ADAMTS19: variants seen among roughly 807,000 people sequenced by gnomAD.
The protein encoded by ADAMTS19 is A disintegrin and metalloproteinase with thrombospondin motifs 19.
A neutral mutation model predicts 153.3 loss-of-function variants in ADAMTS19; 93 were observed. The ratio of observed to expected loss-of-function variants is 0.61; its 90% CI spans 0.51 to 0.72. The LOEUF (loss-of-function observed/expected upper bound fraction) is 0.72, where lower values mean the gene tolerates loss of function less well. Among genes scored for constraint, ADAMTS19 ranks in the 30% least tolerant of loss-of-function variants. The pLI is 0.00. For missense variants in ADAMTS19, 1,482 were observed against 1,552.1 expected (o/e 0.95, Z 0.76); for synonymous variants, 600 against 556.6 (o/e 1.08, Z -1.10).
At chr5:129,678,104 C>A (rs1437965566) in intron 16 of ADAMTS19, among the ~76,000 whole-genome samples, 3 of 152,138 alleles carry the variant, frequency 2.0e-5, no homozygotes, top group African/African-American at 4.8e-5. Context: ...TGAGCCACCA[C>A]ACCGGCCGTT....
intron 10 of ADAMTS19, among the ~76,000 whole-genome samples, chr5:129,633,936 A>C (rs1752420064): frequency 6.6e-6 from 1 of 152,076 alleles, no homozygotes; most frequent in South Asian, 2.1e-4. Context: ...TCACGAGTCT[A>C]TAAGATGATA....
chr5:129,671,528 C>T (rs1754299543), intron 16 of ADAMTS19, among the ~76,000 whole-genome samples: 1 of 152,108 alleles, frequency 6.6e-6, no homozygotes, highest in Admixed American at 6.6e-5. Flanking sequence ...CTTGAAATAG[C>T]TTTAGCAAAA....
At chr5:129,511,520 G>T (rs1054162499) in intron 3 of ADAMTS19, among the ~76,000 whole-genome samples, 4 of 151,716 alleles carry the variant, frequency 2.6e-5, no homozygotes. Context: ...GGAGATAAAT[G>T]ACACAGTTTC....
chr5:129,737,692 A>G lies in ADAMTS19; in HGVS notation c.*474A>G, dbSNP rs1757730230. On this transcript the variant is annotated 3_prime_UTR_variant, in exon 23 of 23. Coordinates refer to ENST00000274487, the MANE Select transcript of ADAMTS19 (RefSeq NM_133638.6). ...TCACCTGCAGGAGATGTGTAAACAT[A>G]ATGAACCTCATGCTGTTGAACAGGT... is the stretch of plus-strand genomic sequence containing the variant. The G allele has an allele frequency of 6.6e-6, 1 of 152,588 alleles. No homozygotes were observed. The highest frequency in any genetic ancestry group is 6.6e-5 in the Admixed American group (1 of 15,260). The allele number at this position is 152,588 out of a possible 1,614,324, so 9.5% of individuals were successfully genotyped here. A position where few individuals can be genotyped will look rare whatever the true frequency, so the allele number is the denominator to read the frequency against.
intron 10 of ADAMTS19, among the ~76,000 whole-genome samples, chr5:129,626,452 G>A (rs1393703652): frequency 6.6e-6 from 1 of 151,960 alleles, no homozygotes; most frequent in Non-Finnish European, 1.5e-5. Context: ...GTTTATTTAG[G>A]TTTTTTAAAT....
intron 3 of ADAMTS19, among the ~76,000 whole-genome samples, chr5:129,510,887 T>A (rs1751420910): frequency 6.9e-6 from 1 of 145,004 alleles, no homozygotes; most frequent in African/African-American, 2.6e-5. Flanking sequence ...ATAGTAGGCA[T>A]GATTGTTACA....
At chr5:129,489,859 G>C (rs2126687351) in intron 2 of ADAMTS19, among the ~76,000 whole-genome samples, 1 of 152,230 alleles carries the variant, frequency 6.6e-6, no homozygotes, top group East Asian at 1.9e-4. Context: ...AAGATACTTA[G>C]AACAGTATCT....
intron 21 of ADAMTS19, among the ~76,000 whole-genome samples, chr5:129,713,452 G>A (rs1027494927): frequency 6.6e-6 from 1 of 152,110 alleles, no homozygotes; most frequent in Non-Finnish European, 1.5e-5. Context: ...ATCACATGAG[G>A]TCTTTGGATT....
At chr5:129,604,433 G>T (rs1750798838) in intron 8 of ADAMTS19, among the ~76,000 whole-genome samples, 1 of 152,070 alleles carries the variant, frequency 6.6e-6, no homozygotes, top group Non-Finnish European at 1.5e-5. Flanking sequence ...CATTTTAGTG[G>T]CACCACCTCC....
At chr5:129,579,907 T>C (rs1386941558) in intron 7 of ADAMTS19, among the ~76,000 whole-genome samples, 1 of 152,248 alleles carries the variant, frequency 6.6e-6, no homozygotes, top group Non-Finnish European at 1.5e-5. Flanking sequence ...TAGGATTTTC[T>C]TGACTATACG....
intron 2 of ADAMTS19, among the ~76,000 whole-genome samples, chr5:129,478,322 C>A (rs939960282): frequency 2.0e-5 from 3 of 152,064 alleles, no homozygotes; most frequent in Non-Finnish European, 2.9e-5. Context: ...ATCTGGTTTG[C>A]ACATGCTTAT....
chr5:129,684,200 C>G lies in ADAMTS19; in HGVS notation c.2745C>G (p.Ser915Arg). The G allele has an allele frequency of 6.2e-7, 1 of 1,614,208 alleles. No individual in the cohort carries two copies. Among genetic ancestry groups the G allele is most frequent in the South Asian group, 1.1e-5 (1 of 91,084 alleles). Reference protein sequence around the residue: ...IPSDPLPENQSSKAPEPLFMW... With the variant: ...IPSDPLPENQRSKAPEPLFMW... ...CAGACCCTCTTCCAGAAAACCAGAG[C>G]TCTAAAGCACCTGAGCCCCTCTTCA... The change falls in exon 18 of 23, where the codon AGC becomes AGG. Residue 915 changes from serine (S) to arginine (R), a missense_variant. Ser to Arg is a moderately radical substitution (Grantham distance 110). Coordinates refer to ENST00000274487, the MANE Select transcript of ADAMTS19 (RefSeq NM_133638.6).
At chr5:129,544,082 A>G (rs1458738070) in intron 6 of ADAMTS19, among the ~76,000 whole-genome samples, 1 of 152,160 alleles carries the variant, frequency 6.6e-6, no homozygotes, top group Admixed American at 6.5e-5. Flanking sequence ...AGAATTTGCC[A>G]GGAGAAACAG....
At chr5:129,478,303 T>C (rs1366834955) in intron 2 of ADAMTS19, among the ~76,000 whole-genome samples, 1 of 152,220 alleles carries the variant, frequency 6.6e-6, no homozygotes, top group Non-Finnish European at 1.5e-5. Flanking sequence ...TATCAGTTCC[T>C]TAGCACAAAT....
rs377473471 is a variant in ADAMTS19, at chr5:129,462,599, T to TTG, written c.747+859_747+860dup. On this transcript the variant is annotated intron_variant, in intron 2 of 22. Transcript: ENST00000274487. Reference sequence around the variant, plus strand: ...GGGACAAGCTTCTATAAGTTGACCTTTGTGTGTGTGTGTGTGTGGGGGGGT... The same window carrying TTG: ...GGGACAAGCTTCTATAAGTTGACCTTTGTGTGTGTGTGTGTGTGTGGGGGGGT... 3.0e-3 allele frequency among the ~76,000 whole-genome samples: 454 copies of TTG among 149,020 alleles called. 5 individuals carry two copies. Among genetic ancestry groups the TTG allele is most frequent in the East Asian group, 0.011 (53 of 4,928 alleles).
intron 18 of ADAMTS19, among the ~76,000 whole-genome samples, chr5:129,688,627 C>G (rs1303456405): frequency 6.6e-6 from 1 of 152,136 alleles, no homozygotes; most frequent in Non-Finnish European, 1.5e-5. Flanking sequence ...CTTAAAATCT[C>G]TGATGAAGGC....
In ADAMTS19 at chr5:129,717,336, A is replaced by G. The variant is rs191377786; in HGVS notation, c.3312+12945A>G. Among the ~76,000 whole-genome samples, 7 of 152,256 alleles carry G rather than the reference A, an allele frequency of 4.6e-5. No homozygotes were observed. The East Asian group carries it at 1.4e-3, about 29-fold the overall frequency. On this transcript the variant is annotated intron_variant, in intron 21 of 22. Coordinates refer to ENST00000274487, the MANE Select transcript of ADAMTS19 (RefSeq NM_133638.6). ...ATTTTAAAATTTTTGGGGGGTACAC[A>G]GTAAGTGTATATATTTATGGGTTGA...
In ADAMTS19 at chr5:129,551,191, A is replaced by G. The variant is rs148182958; in HGVS notation, c.1329-673A>G. Among the ~76,000 whole-genome samples, 8 of 151,778 alleles carry G rather than the reference A, an allele frequency of 5.3e-5. No individual in the cohort carries two copies. The East Asian group carries it at 9.7e-4, about 18-fold the overall frequency. On this transcript the variant is annotated intron_variant, in intron 6 of 22. Coordinates refer to ENST00000274487, the MANE Select transcript of ADAMTS19 (RefSeq NM_133638.6). ...GAGGTAGATTAAAAGTTTTGCTTTC[A>G]TATATTCTGCCCCCAAATCTCATAG... is the stretch of plus-strand genomic sequence containing the variant.
At chr5:129,658,506 G>C in intron 14 of ADAMTS19, 111 bp from the exon 15 acceptor site, 1 of 1,081,782 alleles carries the variant, frequency 9.2e-7, no homozygotes, top group Non-Finnish European at 1.3e-6. Flanking sequence ...CATTTCATAA[G>C]TTTTACAATT....
Sources: gnomAD v4.1 joint callset for allele counts (sites outside exome capture counted in the v4.1 genomes callset) on GRCh38, gnomAD v4.1.1 for gene constraint, MANE v1.5 for transcripts, NCBI Gene and HGNC (gene_info 2026-07-23, HGNC 2026-07-21) for gene names.